Variants in PLXDC2 observed in about 807,000 individuals in gnomAD.
PLXDC2 encodes plexin domain containing 2.
In PLXDC2, 40 loss-of-function variants were observed where a neutral mutation model predicts 68.9. The observed-to-expected ratio is 0.58, with a 90% confidence interval of 0.45 to 0.76. PLXDC2 has a LOEUF of 0.76. Among genes scored for constraint, PLXDC2 ranks in the 30% least tolerant of loss-of-function variants. The probability of loss-of-function intolerance (pLI) is 0.00; values close to 1 mark genes in which losing one functional copy is unlikely to be tolerated. For synonymous variants in PLXDC2, 243 were observed against 234.2 expected, an observed-to-expected ratio of 1.04 and a Z score of -0.34; for missense variants, 644 against 661.9, an observed-to-expected ratio of 0.97 and a Z score of 0.30.
chr10:19,919,882 C>T (rs1218919121), intron 1 of PLXDC2, among the ~76,000 whole-genome samples: 3 of 152,188 alleles, frequency 2.0e-5, no homozygotes, highest in African/African-American at 7.2e-5. Context: ...GAACTACCTT[C>T]TAGTGTGTGA....
At chr10:19,844,521 C>T (rs185710060) in intron 1 of PLXDC2, among the ~76,000 whole-genome samples, 7 of 152,114 alleles carry the variant, frequency 4.6e-5, no homozygotes, top group South Asian at 2.1e-4. Flanking sequence ...TTTTCTAATG[C>T]GATGTTGAGG....
chr10:20,048,376 C>T (rs896114387), intron 3 of PLXDC2, among the ~76,000 whole-genome samples: 19 of 152,036 alleles, frequency 1.2e-4, no homozygotes, highest in South Asian at 4.2e-4. Context: ...TCATCCACCC[C>T]CACCCCAGTT....
intron 5 of PLXDC2, among the ~76,000 whole-genome samples, chr10:20,147,420 A>G (rs768371376): frequency 3.3e-5 from 5 of 152,184 alleles, no homozygotes; most frequent in Non-Finnish European, 5.9e-5. Flanking sequence ...CATTTGTCAA[A>G]TGTATTTGAA....
chr10:19,916,052 G>T (rs1268526586), intron 1 of PLXDC2, among the ~76,000 whole-genome samples: 2 of 151,562 alleles, frequency 1.3e-5, no homozygotes, highest in African/African-American at 4.8e-5. Context: ...ACTTGGAAAT[G>T]CTCTGTGGGT....
chr10:20,038,911 C>T (rs112570826), intron 2 of PLXDC2, among the ~76,000 whole-genome samples: 2,693 of 152,204 alleles, frequency 0.018, 77 homozygotes, highest in African/African-American at 0.061. Flanking sequence ...AGCCAGGAGT[C>T]GTTACTCATT....
chr10:19,882,446 A>C (rs987733162), intron 1 of PLXDC2, among the ~76,000 whole-genome samples: 6 of 152,222 alleles, frequency 3.9e-5, no homozygotes, highest in African/African-American at 1.4e-4. Flanking sequence ...ATGGAAAAGC[A>C]AAGGAAGAGG....
chr10:20,245,012 G>A (rs1835570242), intron 12 of PLXDC2, among the ~76,000 whole-genome samples: 1 of 152,180 alleles, frequency 6.6e-6, no homozygotes, highest in Admixed American at 6.5e-5. Flanking sequence ...TACTCAGGAG[G>A]CTGAGGCAGG....
At chr10:20,066,953 C>T (rs1836221654) in intron 3 of PLXDC2, among the ~76,000 whole-genome samples, 1 of 152,090 alleles carries the variant, frequency 6.6e-6, no homozygotes, top group African/African-American at 2.4e-5. Context: ...TACTTTCCTT[C>T]TGGATACTTT....
At chr10:20,260,794 C>A (rs1311414300) in intron 13 of PLXDC2, among the ~76,000 whole-genome samples, 1 of 152,092 alleles carries the variant, frequency 6.6e-6, no homozygotes, top group Non-Finnish European at 1.5e-5. Flanking sequence ...ACAGCTGTAC[C>A]AGTTTACATT....
intron 13 of PLXDC2, among the ~76,000 whole-genome samples, chr10:20,270,047 TAAAATAAA>T (rs1436435029): frequency 1.5e-5 from 2 of 137,628 alleles, no homozygotes; most frequent in Non-Finnish European, 3.2e-5. Flanking sequence ...TAAAATAAAA[TAAAATAAA>T]AAAGAAGTGG....
intron 4 of PLXDC2, among the ~76,000 whole-genome samples, chr10:20,073,557 A>G (rs1435781478): frequency 6.6e-6 from 1 of 152,204 alleles, no homozygotes; most frequent in Admixed American, 6.5e-5. Flanking sequence ...TAAGCATTTT[A>G]ATATTCAAAA....
At chr10:19,941,999 G>C (rs1833828615) in intron 1 of PLXDC2, among the ~76,000 whole-genome samples, 1 of 151,014 alleles carries the variant, frequency 6.6e-6, no homozygotes. Context: ...AAGAACTTTG[G>C]TTTTGGAGTG....
chr10:19,851,978 A>G (rs1837125925), intron 1 of PLXDC2, among the ~76,000 whole-genome samples: 1 of 152,232 alleles, frequency 6.6e-6, no homozygotes, highest in Non-Finnish European at 1.5e-5. Context: ...AAGAGAAAAT[A>G]CTGGATCAGG....
intron 6 of PLXDC2, among the ~76,000 whole-genome samples, chr10:20,151,730 C>T (rs1834155504): frequency 6.6e-6 from 1 of 152,096 alleles, no homozygotes; most frequent in Non-Finnish European, 1.5e-5. Context: ...ACTTCATTTG[C>T]AGAACTAACC....
chr10:19,922,562 T>C (rs967427004), intron 1 of PLXDC2, among the ~76,000 whole-genome samples: 1 of 152,162 alleles, frequency 6.6e-6, no homozygotes, highest in Non-Finnish European at 1.5e-5. Context: ...GAGGCTTCAT[T>C]TGTGACCAGT....
intron 1 of PLXDC2, among the ~76,000 whole-genome samples, chr10:19,988,005 C>T (rs926860866): frequency 4.6e-5 from 7 of 152,152 alleles, no homozygotes; most frequent in Non-Finnish European, 1.0e-4. Context: ...AAAATTTAGA[C>T]TCTTACCACC....
At chr10:20,183,249 A>G (rs1017404905) in intron 9 of PLXDC2, among the ~76,000 whole-genome samples, 3 of 151,962 alleles carry the variant, frequency 2.0e-5, no homozygotes, top group South Asian at 2.1e-4. Flanking sequence ...AATCATTATC[A>G]TATAGATAGT....
At chr10:20,112,338 G>GAA (rs5783718) in intron 4 of PLXDC2, among the ~76,000 whole-genome samples, 3,521 of 131,408 alleles carry the variant, frequency 0.027, 57 homozygotes, top group Non-Finnish European at 0.037. Context: ...ATAGGAAAAT[G>GAA]AAAAAAAAAA....
intron 1 of PLXDC2, among the ~76,000 whole-genome samples, chr10:19,925,213 C>T (rs1361572602): frequency 6.6e-6 from 1 of 151,574 alleles, no homozygotes; most frequent in East Asian, 1.9e-4. Flanking sequence ...TCAGCTGGAA[C>T]CAGGAGGCAG....
Sources: allele counts gnomAD v4.1 joint callset (sites outside exome capture counted in the v4.1 genomes callset), GRCh38; gene constraint gnomAD v4.1.1; transcripts MANE v1.5; gene names NCBI Gene and HGNC (gene_info 2026-07-23, HGNC 2026-07-21).